Variants in CD28 observed in about 807,000 individuals in gnomAD.
CD28 encodes T-cell-specific surface glycoprotein CD28.
Under a neutral mutation model 21.4 loss-of-function variants are expected in CD28, and 8 were observed. The observed-to-expected ratio is 0.37, with a 90% CI of 0.22 to 0.68. The LOEUF (loss-of-function observed/expected upper bound fraction) is 0.68. Ranked by LOEUF, CD28 falls within the 30% of genes least tolerant of loss-of-function variation. The probability of loss-of-function intolerance (pLI) is 0.55; values close to 1 mark genes in which losing one functional copy is unlikely to be tolerated. For missense variants in CD28, 239 were observed against 272.2 expected (o/e 0.88, Z 0.86); for synonymous variants, 106 against 104.0 (o/e 1.02, Z -0.12).
chr2:203,714,551 G>A (rs923209133), intron 1 of CD28, among the ~76,000 whole-genome samples: 47 of 152,280 alleles, frequency 3.1e-4, no homozygotes, highest in African/African-American at 1.1e-3. Flanking sequence ...GGTGGGGGAT[G>A]TGATTAGGAG....
intron 3 of CD28, among the ~76,000 whole-genome samples, chr2:203,733,291 GT>G (rs1199479541): frequency 6.6e-6 from 1 of 152,134 alleles, no homozygotes; most frequent in African/African-American, 2.4e-5. Context: ...GATCCAAAAT[GT>G]TTTTAGACTT....
intron 1 of CD28, among the ~76,000 whole-genome samples, chr2:203,718,573 G>C (rs1693524424): frequency 6.6e-6 from 1 of 152,188 alleles, no homozygotes; most frequent in Non-Finnish European, 1.5e-5. Context: ...CTTACAACCT[G>C]ATTTTTCAAC....
intron 2 of CD28, among the ~76,000 whole-genome samples, 157 bp from the exon 3 acceptor site, chr2:203,729,491 G>A (rs1693832563): frequency 6.6e-6 from 1 of 152,120 alleles, no homozygotes; most frequent in African/African-American, 2.4e-5. Context: ...TCAGTGGTGG[G>A]GTTGGGTAAG....
chr2:203,710,504 G>A (rs1433098942), intron 1 of CD28, among the ~76,000 whole-genome samples: 2 of 152,154 alleles, frequency 1.3e-5, no homozygotes, highest in East Asian at 1.9e-4. Flanking sequence ...AGAGGATCTC[G>A]CTGCCTCCCC....
intron 1 of CD28, among the ~76,000 whole-genome samples, chr2:203,717,548 C>A (rs1006907497): frequency 6.6e-6 from 1 of 152,248 alleles, no homozygotes; most frequent in Non-Finnish European, 1.5e-5. Flanking sequence ...AAATAACCTT[C>A]CTACTCTTGC....
chr2:203,734,721 C>T (rs1277372886), intron 3 of CD28, 63 bp from the exon 4 acceptor site: 4 of 1,584,166 alleles, frequency 2.5e-6, no homozygotes, highest in South Asian at 2.2e-5. Context: ...ATAGTTGTGC[C>T]CACAGTCTTA....
Position 203,734,772 on chromosome 2 carries a change from T to G in CD28, c.535-12T>G, listed in dbSNP as rs776800736. 6.2e-7 allele frequency: 1 copy of G among 1,614,162 alleles called. No individual in the cohort carries two copies. The highest frequency in any genetic ancestry group is 8.5e-7 in the Non-Finnish European group (1 of 1,179,992). On this transcript the variant is annotated splice_polypyrimidine_tract_variant and intron_variant, in intron 3 of 3. Coordinates refer to ENST00000324106, the MANE Select transcript of CD28 (RefSeq NM_006139.4). Reference sequence around the variant, plus strand: ...CATTGTCCCTCCATACTGACACTTCTCTTTCCTGCAGGTGAGGAGTAAGAG... The same window carrying G: ...CATTGTCCCTCCATACTGACACTTCGCTTTCCTGCAGGTGAGGAGTAAGAG...
At chr2:203,714,364 C>G (rs1385360592) in intron 1 of CD28, among the ~76,000 whole-genome samples, 1 of 152,090 alleles carries the variant, frequency 6.6e-6, no homozygotes, top group Non-Finnish European at 1.5e-5. Flanking sequence ...TCAAACCAAC[C>G]CTGCCCAACA....
At chr2:203,707,607 G>A (rs1693195046) in intron 1 of CD28, among the ~76,000 whole-genome samples, 2 of 152,198 alleles carry the variant, frequency 1.3e-5, no homozygotes, top group South Asian at 2.1e-4. Context: ...ACGATGATGA[G>A]GAGGATAATA....
intron 1 of CD28, among the ~76,000 whole-genome samples, chr2:203,716,403 C>A (rs551369176): frequency 6.6e-6 from 1 of 152,272 alleles, no homozygotes; most frequent in Non-Finnish European, 1.5e-5. Context: ...TACCTGCCTT[C>A]GGATTTCTCC....
chr2:203,706,527 C>G (rs1693159763), upstream of CD28: 3 of 1,552,202 alleles, frequency 1.9e-6, no homozygotes, highest in Non-Finnish European at 2.6e-6. Context: ...AGTCAGGATG[C>G]CTTGTGGTTT....
At chr2:203,718,700 C>T (rs1581505303) in intron 1 of CD28, among the ~76,000 whole-genome samples, 1 of 152,212 alleles carries the variant, frequency 6.6e-6, no homozygotes, top group South Asian at 2.1e-4. Context: ...CTAACTGCTT[C>T]TTTAGCTTCC....
In CD28 at chr2:203,734,918, A is replaced by T; in HGVS notation, c.*6A>T. Reference sequence around the variant, plus strand: ...TCGCAGCCTATCGCTCCTGACACGGACGCCTATCCAGAAGCCAGCCGGCTG... The same window carrying T: ...TCGCAGCCTATCGCTCCTGACACGGTCGCCTATCCAGAAGCCAGCCGGCTG... On this transcript the variant is annotated 3_prime_UTR_variant, in exon 4 of 4. Transcript: ENST00000324106. 1 of 1,613,594 alleles carries T rather than the reference A, an allele frequency of 6.2e-7. No individual in the cohort carries two copies.
rs145978424 is a variant in CD28, at chr2:203,724,055, A to C, written c.53-2578A>C. On this transcript the variant is annotated intron_variant, in intron 1 of 3. Coordinates refer to ENST00000324106, the MANE Select transcript of CD28 (RefSeq NM_006139.4). ...GCCATGAAGAGTGAAGTTCTGGTGCATGCAACAACATGGATGAAACTTGAA... is the reference window on the plus strand; with the variant it reads ...GCCATGAAGAGTGAAGTTCTGGTGCCTGCAACAACATGGATGAAACTTGAA... Among the ~76,000 whole-genome samples, 8 of 152,350 alleles carry C rather than the reference A, an allele frequency of 5.3e-5. No homozygotes were observed. The East Asian group carries it at 1.5e-3, about 29-fold the overall frequency.
At position 203,719,406 on chromosome 2, in the gene CD28, C is replaced by T. The variant is rs182352683; in HGVS notation, c.53-7227C>T. Among the ~76,000 whole-genome samples, 6 of 152,296 alleles carry T rather than the reference C, an allele frequency of 3.9e-5. No individual in the cohort carries two copies. The East Asian group carries it at 5.8e-4, about 15-fold the overall frequency. On this transcript the variant is annotated intron_variant, in intron 1 of 3. Coordinates refer to ENST00000324106, the MANE Select transcript of CD28 (RefSeq NM_006139.4). ...TCTGGTCCTCTTCCCATTCCATTCA[C>T]TCCCCTACTTAATGGTAATCTCCTC... is the stretch of plus-strand genomic sequence containing the variant.
At position 203,737,863 on chromosome 2, in the gene CD28, A is replaced by G. The variant is rs200097139; in HGVS notation, c.*2951A>G. 6.6e-6 allele frequency: 1 copy of G among 152,556 alleles called. No homozygotes were observed. Among genetic ancestry groups the G allele is most frequent in the Non-Finnish European group, 1.5e-5 (1 of 68,036 alleles). The allele number at this position is 152,556 out of a possible 1,614,324, so 9.5% of individuals were successfully genotyped here. A position where few individuals can be genotyped will look rare whatever the true frequency, so the allele number is the denominator to read the frequency against. ...GTCTGCTTTAAATTTGTACTTTAAT[A>G]TTGTCTTTTGGTATTAAGAAAGATA... On this transcript the variant is annotated 3_prime_UTR_variant, in exon 4 of 4. Coordinates refer to ENST00000324106, the MANE Select transcript of CD28 (RefSeq NM_006139.4).
chr2:203,736,502 G>A lies in CD28; in HGVS notation c.*1590G>A, dbSNP rs1428187360. On this transcript the variant is annotated 3_prime_UTR_variant, in exon 4 of 4. Coordinates refer to ENST00000324106, the MANE Select transcript of CD28 (RefSeq NM_006139.4). Reference sequence around the variant, plus strand: ...CACATGGGAAAGTATTTTGGAATGTGTCTTTTGAAGAGAGCATCAGAGTTC... The same window carrying A: ...CACATGGGAAAGTATTTTGGAATGTATCTTTTGAAGAGAGCATCAGAGTTC... The A allele has an allele frequency of 2.6e-5, 4 of 152,326 alleles. No individual in the cohort carries two copies. Among genetic ancestry groups the A allele is most frequent in the Non-Finnish European group, 5.9e-5 (4 of 68,050 alleles). The allele number at this position is 152,326 out of a possible 1,614,324, so 9.4% of individuals were successfully genotyped here.
At chr2:203,715,410 A>T (rs563621567) in intron 1 of CD28, among the ~76,000 whole-genome samples, 1 of 152,046 alleles carries the variant, frequency 6.6e-6, no homozygotes, top group East Asian at 1.9e-4. Flanking sequence ...GTCCCCTTAG[A>T]TTGTCTTTCT....
intron 3 of CD28, among the ~76,000 whole-genome samples, chr2:203,730,261 T>TC (rs1693852851): frequency 6.6e-6 from 1 of 152,188 alleles, no homozygotes; most frequent in African/African-American, 2.4e-5. Flanking sequence ...TATTTTTTTT[T>TC]CTCCTCTGAA....
Sources: gnomAD v4.1 joint callset for allele counts (sites outside exome capture counted in the v4.1 genomes callset) on GRCh38, gnomAD v4.1.1 for gene constraint, MANE v1.5 for transcripts, NCBI Gene and HGNC (gene_info 2026-07-23, HGNC 2026-07-21) for gene names.